Variants in SDK1 observed in about 807,000 individuals in gnomAD.
The protein encoded by SDK1 is sidekick cell adhesion molecule 1.
SDK1 carries 157 observed loss-of-function variants against 245.5 expected under a neutral mutation model. The observed-to-expected ratio is 0.64, with a 90% confidence interval of 0.56 to 0.73. The LOEUF (loss-of-function observed/expected upper bound fraction) is 0.73. SDK1 is among the 30% of genes least tolerant of loss of function. The probability of loss-of-function intolerance (pLI) is 0.00; values close to 1 mark genes in which losing one functional copy is unlikely to be tolerated. For synonymous variants in SDK1, 1,647 were observed against 1,278.5 expected, an observed-to-expected ratio of 1.29 and a Z score of -6.15; for missense variants, 3,583 against 3,002.3, an observed-to-expected ratio of 1.19 and a Z score of -4.52.
chr7:3,483,122 C>T (rs1244386369), intron 1 of SDK1, among the ~76,000 whole-genome samples: 2 of 152,102 alleles, frequency 1.3e-5, no homozygotes, highest in African/African-American at 4.8e-5. Flanking sequence ...ATTGGCTTGT[C>T]AAGTTCCTGA....
chr7:3,602,195 T>G (rs1781275398), intron 1 of SDK1, among the ~76,000 whole-genome samples: 1 of 151,860 alleles, frequency 6.6e-6, no homozygotes, highest in South Asian at 2.1e-4. Context: ...ATATACCCAG[T>G]AATGGGATGG....
intron 13 of SDK1, chr7:3,974,848 C>A (rs1040166708): frequency 2.0e-4 from 50 of 254,126 alleles, no homozygotes; most frequent in Non-Finnish European, 1.1e-4. Flanking sequence ...CTGTTTACCA[C>A]TCTGCGCTTA....
chr7:3,777,083 A>G (rs1316985451), intron 4 of SDK1, among the ~76,000 whole-genome samples: 2 of 152,196 alleles, frequency 1.3e-5, no homozygotes, highest in East Asian at 3.9e-4. Context: ...TCTATTTTGT[A>G]ACTCATTCTT....
chr7:3,797,060 G>C (rs925545140), intron 4 of SDK1, among the ~76,000 whole-genome samples: 5 of 150,658 alleles, frequency 3.3e-5, no homozygotes, highest in African/African-American at 9.8e-5. Context: ...GCTCTGGAGT[G>C]CAGTGGTGCA....
chr7:4,268,853 C>T lies in SDK1; in HGVS notation c.*3469C>T, dbSNP rs908814235. ...CGCGTCACCTTCTGGTTTAGGGAGCCGTCAGGTCCCTAAACGTTCCCTACA... is the reference window on the plus strand; with the variant it reads ...CGCGTCACCTTCTGGTTTAGGGAGCTGTCAGGTCCCTAAACGTTCCCTACA... On this transcript the variant is annotated 3_prime_UTR_variant, in exon 45 of 45. Coordinates refer to ENST00000404826, the MANE Select transcript of SDK1 (RefSeq NM_152744.4). The T allele has an allele frequency of 2.4e-4, 183 of 758,254 alleles. 1 individual carries two copies. The highest frequency in any genetic ancestry group is 1.7e-4 in the South Asian group (12 of 71,018). The allele number at this position is 758,254 out of a possible 1,614,324, so 47.0% of individuals were successfully genotyped here.
chr7:3,842,995 A>T (rs1033072222), intron 5 of SDK1, among the ~76,000 whole-genome samples: 15 of 152,114 alleles, frequency 9.9e-5, no homozygotes, highest in African/African-American at 2.9e-4. Flanking sequence ...GCGAAAGTGC[A>T]TTGAACAACT....
At chr7:4,018,463 A>C (rs1486291502) in intron 17 of SDK1, among the ~76,000 whole-genome samples, 1 of 152,244 alleles carries the variant, frequency 6.6e-6, no homozygotes, top group African/African-American at 2.4e-5. Context: ...AATGCAGGAC[A>C]GCCAGGAAGG....
chr7:4,041,244 G>A (rs1007879418), intron 17 of SDK1, among the ~76,000 whole-genome samples: 6 of 151,822 alleles, frequency 4.0e-5, no homozygotes, highest in African/African-American at 4.8e-5. Context: ...GAGAGTTACC[G>A]GGTTCAGAAA....
chr7:4,033,970 G>A lies in SDK1; in HGVS notation c.2603-15378G>A, dbSNP rs182613294. On this transcript the variant is annotated intron_variant, in intron 17 of 44. Coordinates refer to ENST00000404826, the MANE Select transcript of SDK1 (RefSeq NM_152744.4). ...GTATACATCACAAAGGAAAAAAAAC[G>A]GAGTAACTCGACCCTGGAGAAACCT... Among the ~76,000 whole-genome samples the A allele has an allele frequency of 3.0e-4, 45 of 152,230 alleles. 1 individual carries two copies. The highest frequency in any genetic ancestry group is 2.2e-4 in the Non-Finnish European group (15 of 68,014).
chr7:4,091,261 C>G (rs1250931971), intron 22 of SDK1, among the ~76,000 whole-genome samples: 1 of 151,900 alleles, frequency 6.6e-6, no homozygotes, highest in African/African-American at 2.4e-5. Context: ...AGGCAATGAT[C>G]CTTACTGGGG....
chr7:3,839,358 G>A (rs1780101840), intron 5 of SDK1, among the ~76,000 whole-genome samples: 1 of 152,174 alleles, frequency 6.6e-6, no homozygotes, highest in Non-Finnish European at 1.5e-5. Context: ...GAGCCAGAGA[G>A]CTTAGAATTC....
At chr7:3,341,785 A>G (rs1780354778) in intron 1 of SDK1, among the ~76,000 whole-genome samples, 1 of 152,332 alleles carries the variant, frequency 6.6e-6, no homozygotes, top group African/African-American at 2.4e-5. Flanking sequence ...AAATCAGAGG[A>G]CCCAAATGTT....
At position 4,144,942 on chromosome 7, in the gene SDK1, A is replaced by G. The variant is rs555404392; in HGVS notation, c.4229-780A>G. On this transcript the variant is annotated intron_variant, in intron 28 of 44. Coordinates refer to ENST00000404826, the MANE Select transcript of SDK1 (RefSeq NM_152744.4). Reference sequence around the variant, plus strand: ...CTGGACCACACGTTGTCTGTGAGCCAGGCAGGGTGCGGACTGGAGCTGCAG... The same window carrying G: ...CTGGACCACACGTTGTCTGTGAGCCGGGCAGGGTGCGGACTGGAGCTGCAG... Among the ~76,000 whole-genome samples, 8 of 152,304 alleles carry G rather than the reference A, an allele frequency of 5.3e-5. No homozygotes were observed. The South Asian group carries it at 1.0e-3, about 20-fold the overall frequency.
chr7:3,665,024 G>C (rs1433570086), intron 4 of SDK1, among the ~76,000 whole-genome samples: 1 of 152,198 alleles, frequency 6.6e-6, no homozygotes, highest in Non-Finnish European at 1.5e-5. Flanking sequence ...GAATAACTCA[G>C]AGATCCTTGA....
At chr7:4,053,899 T>C (rs1330994420) in intron 19 of SDK1, among the ~76,000 whole-genome samples, 1 of 152,108 alleles carries the variant, frequency 6.6e-6, no homozygotes, top group Non-Finnish European at 1.5e-5. Context: ...TTTTGTTTTT[T>C]GGGTTTTTTG....
intron 1 of SDK1, among the ~76,000 whole-genome samples, chr7:3,554,532 T>G (rs1295618491): frequency 1.3e-5 from 2 of 152,176 alleles, no homozygotes; most frequent in Non-Finnish European, 2.9e-5. Flanking sequence ...CTCCAGAGAT[T>G]GTACTCACTC....
chr7:4,194,200 C>A (rs529035688), intron 35 of SDK1, among the ~76,000 whole-genome samples: 1 of 149,838 alleles, frequency 6.7e-6, no homozygotes, highest in Non-Finnish European at 1.5e-5. Context: ...GGAGAGAGAG[C>A]GAGAGAGATA....
chr7:3,421,656 A>G (rs760071859), intron 1 of SDK1, among the ~76,000 whole-genome samples: 2 of 152,198 alleles, frequency 1.3e-5, no homozygotes, highest in Non-Finnish European at 2.9e-5. Context: ...GTCTACAGCT[A>G]GAGAGTATCT....
chr7:3,875,500 C>T (rs1396056390), intron 5 of SDK1, among the ~76,000 whole-genome samples: 1 of 152,206 alleles, frequency 6.6e-6, no homozygotes, highest in Non-Finnish European at 1.5e-5. Context: ...GAGTTTTTGC[C>T]TCTCCTATGC....
Sources: allele counts gnomAD v4.1 joint callset (sites outside exome capture counted in the v4.1 genomes callset), GRCh38; gene constraint gnomAD v4.1.1; transcripts MANE v1.5; gene names NCBI Gene and HGNC (gene_info 2026-07-23, HGNC 2026-07-21).